Variants in MBD5 observed in about 807,000 individuals in gnomAD.
The protein encoded by MBD5 is methyl-CpG binding domain protein 5.
A neutral mutation model predicts 117.3 loss-of-function variants in MBD5; 13 were observed. The observed-to-expected ratio is 0.11, with a 90% CI of 0.07 to 0.18. The LOEUF is 0.18. MBD5 is among the 10% of genes least tolerant of loss of function. The pLI is 1.00. For synonymous variants in MBD5, 727 were observed against 766.4 expected, an observed-to-expected ratio of 0.95 and a Z score of 0.85; for missense variants, 1,879 against 2,093.8, an observed-to-expected ratio of 0.90 and a Z score of 2.00.
intron 4 of MBD5, among the ~76,000 whole-genome samples, chr2:148,402,738 T>C (rs1467660644): frequency 6.6e-6 from 1 of 152,250 alleles, no homozygotes; most frequent in Non-Finnish European, 1.5e-5. Context: ...ACTATATGGA[T>C]ATACTACAAC....
intron 3 of MBD5, among the ~76,000 whole-genome samples, chr2:148,282,418 TCCTG>T (rs1457334250): frequency 1.3e-5 from 2 of 152,176 alleles, no homozygotes; most frequent in Non-Finnish European, 2.9e-5. Context: ...GATATTTGCT[TCCTG>T]CATGACTCAT....
At position 148,458,939 on chromosome 2, in the gene MBD5, A is replaced by G. The variant is rs116658722; in HGVS notation, c.113+68A>G. 6.1e-3 allele frequency: 7,027 copies of G among 1,160,028 alleles called. 28 individuals carry two copies. Among genetic ancestry groups the G allele is most frequent in the South Asian group, 8.9e-3 (732 of 81,922 alleles). The allele number at this position is 1,160,028 out of a possible 1,614,324, so 71.9% of individuals were successfully genotyped here. ...CCAAAGACTAAGGAGAGAACCAAGC[A>G]TGGTGACTGATGGCACCTCATATAA... On this transcript the variant is annotated intron_variant, in intron 5 of 13. Coordinates refer to ENST00000642680, the MANE Select transcript of MBD5 (RefSeq NM_001378120.1).
chr2:148,397,922 C>A (rs1046356669), intron 4 of MBD5, among the ~76,000 whole-genome samples: 2 of 151,706 alleles, frequency 1.3e-5, no homozygotes, highest in African/African-American at 4.8e-5. Flanking sequence ...TTGTCTTTTG[C>A]GATAGTTTGC....
At chr2:148,269,228 T>C (rs1329036955) in intron 3 of MBD5, among the ~76,000 whole-genome samples, 1 of 151,938 alleles carries the variant, frequency 6.6e-6, no homozygotes, top group East Asian at 1.9e-4. Context: ...TATTCACCTC[T>C]TATTTTTCTC....
chr2:148,218,233 A>G (rs1308393483), intron 2 of MBD5, among the ~76,000 whole-genome samples: 2 of 152,026 alleles, frequency 1.3e-5, no homozygotes, highest in Non-Finnish European at 2.9e-5. Context: ...GCTCAGCTGG[A>G]CTTGGTTCTT....
At chr2:148,171,401 G>GAA (rs1167070931) in intron 1 of MBD5, among the ~76,000 whole-genome samples, 1 of 152,092 alleles carries the variant, frequency 6.6e-6, no homozygotes, top group African/African-American at 2.4e-5. Context: ...TACGGATGAA[G>GAA]AAAAAATACT....
chr2:148,025,033 T>G (rs781558238), intron 1 of MBD5: 1 of 152,168 alleles, frequency 6.6e-6, no homozygotes, highest in Non-Finnish European at 1.5e-5. Flanking sequence ...GGGACCCCCA[T>G]GAAGTCAGCC....
intron 5 of MBD5, among the ~76,000 whole-genome samples, chr2:148,461,561 G>A (rs186760311): frequency 6.9e-4 from 105 of 152,276 alleles, no homozygotes; most frequent in Non-Finnish European, 1.2e-3. Context: ...GGAGATTATT[G>A]TTTCTGGATG....
At chr2:148,055,418 C>CTTTTTTTTTTTTTTTTTTT (rs56877252) in intron 1 of MBD5, 1 of 140,916 alleles carries the variant, frequency 7.1e-6, no homozygotes. Context: ...ATAGGTTTTT[C>CTTTTTTTTTTTTTTTTTTT]TTTTTTTTTT....
chr2:148,167,696 G>C (rs1574088411), intron 1 of MBD5, among the ~76,000 whole-genome samples: 1 of 152,222 alleles, frequency 6.6e-6, no homozygotes, highest in South Asian at 2.1e-4. Context: ...AATTTTTGTT[G>C]ATAAAGACAA....
At chr2:148,223,082 A>T (rs1387592802) in intron 2 of MBD5, among the ~76,000 whole-genome samples, 2 of 152,124 alleles carry the variant, frequency 1.3e-5, no homozygotes, top group Non-Finnish European at 2.9e-5. Context: ...TAATTTGTAC[A>T]TGTTGAACCA....
At chr2:148,166,537 G>C (rs900699675) in intron 1 of MBD5, among the ~76,000 whole-genome samples, 1 of 152,184 alleles carries the variant, frequency 6.6e-6, no homozygotes, top group Admixed American at 6.5e-5. Context: ...AGTGCTGGCT[G>C]TTTTGATGCT....
intron 1 of MBD5, among the ~76,000 whole-genome samples, chr2:148,083,765 C>T (rs13001158): frequency 0.31 from 46,786 of 151,738 alleles, 8,346 homozygotes; most frequent in East Asian, 0.46. Context: ...GTAGCTGGGA[C>T]TACAGGCGCA....
chr2:148,498,603 T>C (rs1298054682), intron 11 of MBD5, among the ~76,000 whole-genome samples: 2 of 152,220 alleles, frequency 1.3e-5, no homozygotes, highest in Non-Finnish European at 2.9e-5. Flanking sequence ...CCCAAAGTGC[T>C]GGGATTACAG....
At chr2:148,288,715 G>A (rs1008771027) in intron 3 of MBD5, among the ~76,000 whole-genome samples, 1 of 151,824 alleles carries the variant, frequency 6.6e-6, no homozygotes, top group Non-Finnish European at 1.5e-5. Context: ...ATCTATCACA[G>A]GATACTTTGT....
intron 8 of MBD5, chr2:148,470,806 T>C: frequency 3.6e-6 from 1 of 278,388 alleles, no homozygotes; most frequent in East Asian, 6.4e-5. Flanking sequence ...CCTTGGTCTA[T>C]GCCAATATAA....
intron 10 of MBD5, among the ~76,000 whole-genome samples, chr2:148,486,836 T>C (rs984359372): frequency 6.6e-6 from 1 of 152,244 alleles, no homozygotes; most frequent in Non-Finnish European, 1.5e-5. Context: ...CTCAGATTAC[T>C]GTTGGTCTGA....
intron 1 of MBD5, among the ~76,000 whole-genome samples, chr2:148,176,784 C>T (rs1490504188): frequency 6.6e-6 from 1 of 150,850 alleles, no homozygotes; most frequent in Non-Finnish European, 1.5e-5. Flanking sequence ...AGAGACGATT[C>T]AAGACTTCAT....
chr2:148,198,915 G>A (rs1388203283), intron 2 of MBD5, among the ~76,000 whole-genome samples: 5 of 151,380 alleles, frequency 3.3e-5, no homozygotes, highest in African/African-American at 9.7e-5. Context: ...ACAGTAGGGG[G>A]GAATATATAT....
Sources: gnomAD v4.1 joint callset for allele counts (sites outside exome capture counted in the v4.1 genomes callset) on GRCh38, gnomAD v4.1.1 for gene constraint, MANE v1.5 for transcripts, NCBI Gene and HGNC (gene_info 2026-07-23, HGNC 2026-07-21) for gene names.